Variants in DGKH observed in about 807,000 individuals in gnomAD.
DGKH encodes the protein DAG kinase eta.
A neutral mutation model predicts 159.3 loss-of-function variants in DGKH; 90 were observed. The observed-to-expected ratio is 0.57, with a 90% CI of 0.48 to 0.67. The LOEUF is 0.67. Ranked by LOEUF, DGKH falls within the 30% of genes least tolerant of loss-of-function variation. The probability of loss-of-function intolerance (pLI) is 0.00; values close to 1 mark genes in which losing one functional copy is unlikely to be tolerated. For missense variants in DGKH, 1,181 were observed against 1,506.1 expected (o/e 0.78, Z 3.57); for synonymous variants, 536 against 553.8 (o/e 0.97, Z 0.45).
At chr13:42,208,296 G>A (rs1236243981) in intron 21 of DGKH, among the ~76,000 whole-genome samples, 1 of 152,022 alleles carries the variant, frequency 6.6e-6, no homozygotes, top group South Asian at 2.1e-4. Context: ...AGAGAGTAAG[G>A]TAATACAGCC....
chr13:42,145,967 C>G (rs1955717835), intron 3 of DGKH, among the ~76,000 whole-genome samples: 1 of 152,022 alleles, frequency 6.6e-6, no homozygotes, highest in South Asian at 2.1e-4. Context: ...AAATTTTGGT[C>G]ATTTTATTTT....
intron 1 of DGKH, among the ~76,000 whole-genome samples, chr13:42,112,009 A>T (rs1024981273): frequency 6.6e-6 from 1 of 152,220 alleles, no homozygotes; most frequent in Non-Finnish European, 1.5e-5. Flanking sequence ...CATGCCCTGC[A>T]CAGAGAGTGA....
rs1403400230 is a variant in DGKH, at chr13:42,048,809, C to T, written c.36C>T (p.Gly12=). 1 of 1,322,700 alleles carries T rather than the reference C, an allele frequency of 7.6e-7. No individual in the cohort carries two copies. The highest frequency in any genetic ancestry group is 1.5e-5 in the African/African-American group (1 of 64,944). The allele number at this position is 1,322,700 out of a possible 1,614,324, so 81.9% of individuals were successfully genotyped here. A position where few individuals can be genotyped will look rare whatever the true frequency, so the allele number is the denominator to read the frequency against. ...AGAGGQHHPP[G]AAGGAAAGAG... is the part of the protein sequence containing the mutation. ...CCGGAGGCCAGCACCACCCTCCGGG[C>T]GCCGCTGGAGGAGCGGCCGCCGGAG... The change falls in exon 1 of 30, where the codon GGC becomes GGT. Residue 12 remains glycine, a synonymous_variant. Transcript: ENST00000337343. The surrounding 1 kb of genome is among the most constrained non-coding windows in gnomAD (Gnocchi z 6.7).
chr13:42,219,767 C>T lies in DGKH; in HGVS notation c.3415C>T (p.Gln1139Ter), dbSNP rs745999014. Residue 1139 changes from glutamine (Q) to a stop codon, truncating the protein, a stop_gained, in exon 28 of 30, where the codon CAG becomes TAG. Coordinates refer to ENST00000337343, the MANE Select transcript of DGKH (RefSeq NM_178009.5). LOFTEE classifies it high-confidence loss of function. ...IVPKFKKEKV[Q>*]KQKTSSQPVQ... Reference sequence around the variant, plus strand: ...GCCAAAGTTTAAAAAGGAAAAGGTTCAGAAGCAGAAGACAAGTTCACAGCC... The same window carrying T: ...GCCAAAGTTTAAAAAGGAAAAGGTTTAGAAGCAGAAGACAAGTTCACAGCC... 28 of 1,613,364 alleles carry T rather than the reference C, an allele frequency of 1.7e-5. No homozygotes were observed. The highest frequency in any genetic ancestry group is 2.3e-5 in the Non-Finnish European group (27 of 1,179,662).
intron 1 of DGKH, among the ~76,000 whole-genome samples, chr13:42,090,848 A>G (rs781063811): frequency 2.6e-5 from 4 of 152,144 alleles, no homozygotes; most frequent in Non-Finnish European, 5.9e-5. Flanking sequence ...CATGGATGGC[A>G]TTAGGGTGCT....
intron 1 of DGKH, among the ~76,000 whole-genome samples, chr13:42,094,379 G>C (rs1954481081): frequency 6.6e-6 from 1 of 152,158 alleles, no homozygotes; most frequent in Non-Finnish European, 1.5e-5. Flanking sequence ...AAACTTGTTA[G>C]TACAGTTTTC....
intron 1 of DGKH, among the ~76,000 whole-genome samples, chr13:42,084,813 A>G (rs1322927815): frequency 6.6e-6 from 1 of 152,024 alleles, no homozygotes; most frequent in Non-Finnish European, 1.5e-5. Context: ...AATGCCACCT[A>G]GGTTCTAACC....
chr13:42,044,263 C>G (rs936930088), upstream of DGKH: 5 of 152,086 alleles, frequency 3.3e-5, no homozygotes, highest in African/African-American at 1.2e-4. Context: ...TGCTGACAAA[C>G]AGTAAAGAGA....
At chr13:42,117,878 C>G (rs2767387) in intron 1 of DGKH, among the ~76,000 whole-genome samples, 35,845 of 151,952 alleles carry the variant, frequency 0.24, 4,806 homozygotes, top group African/African-American at 0.36. Context: ...CATTTTCATA[C>G]ACGTGAAAAG....
chr13:42,108,213 A>G (rs1245797073), intron 1 of DGKH, among the ~76,000 whole-genome samples: 1 of 152,202 alleles, frequency 6.6e-6, no homozygotes, highest in Non-Finnish European at 1.5e-5. Context: ...CTAGGCAAGA[A>G]TAATAAAATC....
intron 3 of DGKH, among the ~76,000 whole-genome samples, chr13:42,141,217 A>G (rs945419821): frequency 6.6e-6 from 1 of 151,390 alleles, no homozygotes; most frequent in Non-Finnish European, 1.5e-5. Flanking sequence ...CCATGTCCCT[A>G]CAAAGGACAT....
At chr13:42,056,776 A>G (rs1415352787) in intron 1 of DGKH, among the ~76,000 whole-genome samples, 5 of 152,128 alleles carry the variant, frequency 3.3e-5, no homozygotes, top group Admixed American at 3.3e-4. Flanking sequence ...GCAGGCAGAC[A>G]GGCTCCTTAC....
chr13:42,198,338 T>G, intron 17 of DGKH, 140 bp from the exon 18 acceptor site: 1 of 619,622 alleles, frequency 1.6e-6, no homozygotes, highest in East Asian at 2.9e-5. Flanking sequence ...TTTTCATTAA[T>G]GAGAAGAGTA....
chr13:42,049,415 G>A (rs1179260377), intron 1 of DGKH, among the ~76,000 whole-genome samples: 1 of 152,262 alleles, frequency 6.6e-6, no homozygotes, highest in Non-Finnish European at 1.5e-5. Flanking sequence ...GCCGTTCGGG[G>A]GAGCGTGCGC....
chr13:42,108,828 G>A (rs1170185), intron 1 of DGKH, among the ~76,000 whole-genome samples: 1 of 150,820 alleles, frequency 6.6e-6, no homozygotes, highest in African/African-American at 2.4e-5. Flanking sequence ...GGGAGTGGAA[G>A]CTATAATGCA....
chr13:42,150,999 A>G (rs1955864769), intron 3 of DGKH, among the ~76,000 whole-genome samples: 2 of 152,242 alleles, frequency 1.3e-5, no homozygotes, highest in Admixed American at 1.3e-4. Flanking sequence ...GGAGAGATGC[A>G]AGGAAGGGGC....
intron 3 of DGKH, chr13:42,153,607 G>A (rs1955971472): frequency 6.6e-6 from 1 of 152,222 alleles, no homozygotes; most frequent in African/African-American, 2.4e-5. Flanking sequence ...CCAGTCATTA[G>A]AGCCAGGAGT....
intron 30 of DGKH, among the ~76,000 whole-genome samples, chr13:42,255,274 A>G (rs889059904): frequency 2.6e-5 from 4 of 152,070 alleles, no homozygotes; most frequent in Non-Finnish European, 5.9e-5. Flanking sequence ...TATGAGAATG[A>G]ATGGAGATTT....
chr13:42,128,791 C>T lies in DGKH; in HGVS notation c.304-761C>T, dbSNP rs537728865. ...TAGACTGTAGGTTCCTTCCAGTCAACGAACAAGTCTTACAGTCACATTGGT... is the reference window on the plus strand; with the variant it reads ...TAGACTGTAGGTTCCTTCCAGTCAATGAACAAGTCTTACAGTCACATTGGT... On this transcript the variant is annotated intron_variant, in intron 2 of 29. Coordinates refer to ENST00000337343, the MANE Select transcript of DGKH (RefSeq NM_178009.5). 2.6e-5 allele frequency among the ~76,000 whole-genome samples: 4 copies of T among 152,270 alleles called. No individual in the cohort carries two copies. In the South Asian group the frequency reaches 6.2e-4, roughly 24 times the overall value.
Sources: allele counts gnomAD v4.1 joint callset (sites outside exome capture counted in the v4.1 genomes callset), GRCh38; gene constraint gnomAD v4.1.1; non-coding constraint Gnocchi (gnomAD v3.1); transcripts MANE v1.5; gene names NCBI Gene and HGNC (gene_info 2026-07-23, HGNC 2026-07-21).